The following ERBB4 variants were observed in gnomAD, a reference collection of about 807,000 sequenced individuals.
The protein encoded by ERBB4 is receptor tyrosine-protein kinase erbB-4.
In ERBB4, 42 loss-of-function variants were observed where a neutral mutation model predicts 158.0. That is an observed-to-expected ratio of 0.27 (90% CI 0.21 to 0.34). ERBB4 has a LOEUF of 0.34. ERBB4 is among the 10% of genes least tolerant of loss of function. The pLI is 1.00. For synonymous variants in ERBB4, 583 were observed against 558.7 expected (o/e 1.04, Z -0.61); for missense variants, 1,333 against 1,624.1 (o/e 0.82, Z 3.08).
chr2:212,386,852 G>A (rs540279430), intron 1 of ERBB4, among the ~76,000 whole-genome samples: 3 of 152,068 alleles, frequency 2.0e-5, no homozygotes, highest in African/African-American at 7.2e-5. Context: ...AAATTGTCTT[G>A]AAATTATGGA....
intron 1 of ERBB4, among the ~76,000 whole-genome samples, chr2:212,228,115 T>C (rs1480353825): frequency 6.6e-6 from 1 of 152,166 alleles, no homozygotes; most frequent in African/African-American, 2.4e-5. Context: ...CCCTCCTTGG[T>C]TTGTGTGATC....
intron 2 of ERBB4, among the ~76,000 whole-genome samples, chr2:211,987,123 C>G (rs1343979961): frequency 9.9e-5 from 15 of 151,930 alleles, no homozygotes; most frequent in Admixed American, 9.8e-4. Flanking sequence ...AAGTTGAAGG[C>G]TGACCTAGCC....
chr2:212,415,826 G>T (rs568720406), intron 1 of ERBB4, among the ~76,000 whole-genome samples: 3 of 151,918 alleles, frequency 2.0e-5, no homozygotes, highest in Non-Finnish European at 1.5e-5. Context: ...TTTCTGTGTT[G>T]ATATCCAAAT....
chr2:211,841,318 GA>G (rs2077465192), intron 3 of ERBB4, among the ~76,000 whole-genome samples: 2 of 151,984 alleles, frequency 1.3e-5, no homozygotes, highest in Admixed American at 1.3e-4. Flanking sequence ...AACAGCTATT[GA>G]AGTCAAAATT....
At chr2:212,267,009 T>C (rs1354677012) in intron 1 of ERBB4, among the ~76,000 whole-genome samples, 1 of 151,966 alleles carries the variant, frequency 6.6e-6, no homozygotes, top group Non-Finnish European at 1.5e-5. Context: ...CTTTGAAATC[T>C]GAATTGAGCA....
chr2:212,330,187 C>T (rs2088065881), intron 1 of ERBB4, among the ~76,000 whole-genome samples: 1 of 151,280 alleles, frequency 6.6e-6, no homozygotes, highest in Non-Finnish European at 1.5e-5. Flanking sequence ...ATACTATACT[C>T]CTCTGAAAAA....
At chr2:211,678,989 A>AAC (rs2072223094) in intron 13 of ERBB4, 63 bp downstream of exon 13, 1 of 1,332,030 alleles carries the variant, frequency 7.5e-7, no homozygotes, top group African/African-American at 1.5e-5. Flanking sequence ...AAAAAAAAAA[A>AAC]AATCAGAACT....
intron 1 of ERBB4, among the ~76,000 whole-genome samples, chr2:212,438,404 A>G (rs2092184013): frequency 6.6e-6 from 1 of 152,122 alleles, no homozygotes; most frequent in Admixed American, 6.6e-5. Flanking sequence ...GTGAACAAAT[A>G]TCGATCATTT....
intron 1 of ERBB4, among the ~76,000 whole-genome samples, chr2:212,447,097 C>G (rs184414959): frequency 6.6e-6 from 1 of 151,466 alleles, no homozygotes; most frequent in Non-Finnish European, 1.5e-5. Context: ...CCTAGGTTCA[C>G]GCCATTCTCC....
intron 1 of ERBB4, among the ~76,000 whole-genome samples, chr2:212,450,945 G>T (rs776851320): frequency 5.9e-5 from 9 of 151,794 alleles, no homozygotes; most frequent in Non-Finnish European, 1.0e-4. Context: ...GGGCAACACA[G>T]CAAGATCCTA....
intron 20 of ERBB4, among the ~76,000 whole-genome samples, chr2:211,508,950 C>CAA (rs1043037025): frequency 2.0e-5 from 3 of 151,114 alleles, no homozygotes; most frequent in South Asian, 2.1e-4. Context: ...AACAAAAAAA[C>CAA]AAAACAAAAA....
intron 7 of ERBB4, among the ~76,000 whole-genome samples, chr2:211,717,281 A>G (rs1238158608): frequency 3.3e-5 from 5 of 152,194 alleles, no homozygotes. Flanking sequence ...AGGATGGTAC[A>G]TGGTGACATA....
rs1025348333 is a variant in ERBB4 at position 212,069,990 on chromosome 2, A to T, written c.234+54762T>A. Among the ~76,000 whole-genome samples, 3 of 142,116 alleles carry T rather than the reference A, an allele frequency of 2.1e-5. No individual in the cohort carries two copies. The Admixed American group carries it at 2.2e-4, about 10-fold the overall frequency. The allele number at this position is 142,116 out of a possible 152,430, so 93.2% of individuals were successfully genotyped here. A position where few individuals can be genotyped will look rare whatever the true frequency, so the allele number is the denominator to read the frequency against. ...AAAGAAAAAAGCCAAGCACAGTGGC[A>T]TGTGTCTGTAGTCTAGCTACTTGGG... On this transcript the variant is annotated intron_variant, in intron 2 of 27. Coordinates refer to ENST00000342788, the MANE Select transcript of ERBB4 (RefSeq NM_005235.3).
intron 2 of ERBB4, among the ~76,000 whole-genome samples, chr2:211,965,096 C>A (rs915260338): frequency 6.6e-6 from 1 of 152,080 alleles, no homozygotes. Context: ...ATTTGTATAA[C>A]TAATTGCCTC....
intron 2 of ERBB4, among the ~76,000 whole-genome samples, chr2:212,020,010 G>A (rs986172765): frequency 2.0e-5 from 3 of 152,044 alleles, no homozygotes; most frequent in Non-Finnish European, 4.4e-5. Context: ...ACTCTGGAAA[G>A]TATAATTTCT....
chr2:211,942,572 T>C (rs144160402), intron 3 of ERBB4, among the ~76,000 whole-genome samples: 40 of 152,166 alleles, frequency 2.6e-4, no homozygotes, highest in African/African-American at 9.4e-4. Flanking sequence ...TTATTTTCAT[T>C]ACTATTGAGG....
chr2:211,579,438 C>T (rs908720370), intron 19 of ERBB4, among the ~76,000 whole-genome samples: 3 of 152,108 alleles, frequency 2.0e-5, no homozygotes, highest in African/African-American at 7.2e-5. Flanking sequence ...GCCAGCAATT[C>T]CATTACTGGG....
chr2:212,150,066 C>T (rs1302502153), intron 1 of ERBB4, among the ~76,000 whole-genome samples: 2 of 152,124 alleles, frequency 1.3e-5, no homozygotes, highest in African/African-American at 4.8e-5. Context: ...ACTTGCAAAA[C>T]CGGGTATTCA....
chr2:212,172,913 T>C (rs1028172332), intron 1 of ERBB4, among the ~76,000 whole-genome samples: 3 of 152,208 alleles, frequency 2.0e-5, no homozygotes, highest in African/African-American at 7.2e-5. Flanking sequence ...CAAACTTCTA[T>C]ATCCTGCACA....
Sources: gnomAD v4.1 joint callset for allele counts (sites outside exome capture counted in the v4.1 genomes callset) on GRCh38, gnomAD v4.1.1 for gene constraint, MANE v1.5 for transcripts, NCBI Gene and HGNC (gene_info 2026-07-23, HGNC 2026-07-21) for gene names.